DIAPH2: variants seen among roughly 807,000 people sequenced by gnomAD.
DIAPH2 encodes the protein diaphanous related formin 2, also known as protein diaphanous homolog 2.
A neutral mutation model predicts 92.7 loss-of-function variants in DIAPH2; 35 were observed. The observed-to-expected ratio is 0.38, with a 90% CI of 0.29 to 0.50. The LOEUF (loss-of-function observed/expected upper bound fraction) is 0.50. Ranked by LOEUF, DIAPH2 falls within the 20% of genes least tolerant of loss-of-function variation. The pLI, the probability that DIAPH2 is intolerant of heterozygous loss-of-function variation, is 0.94. For synonymous variants in DIAPH2, 301 were observed against 280.4 expected (o/e 1.07, Z -0.73); for missense variants, 701 against 819.5 (o/e 0.86, Z 1.77).
At chrX:97,233,138 T>C (rs1250528441) in intron 22 of DIAPH2, among the ~76,000 whole-genome samples, 1 of 112,331 alleles carries the variant, frequency 8.9e-6, no homozygotes, top group Admixed American at 9.5e-5. Flanking sequence ...TTGTTTGCTA[T>C]TGCAGTGCTA....
chrX:96,955,406 T>C (rs759051320), intron 15 of DIAPH2, among the ~76,000 whole-genome samples: 2 of 111,852 alleles, frequency 1.8e-5, no homozygotes, highest in East Asian at 5.6e-4. Context: ...GATGCAGAGC[T>C]AAACCATATC....
intron 22 of DIAPH2, among the ~76,000 whole-genome samples, chrX:97,192,530 A>C (rs939890398): frequency 9.0e-6 from 1 of 111,171 alleles, no homozygotes; most frequent in African/African-American, 3.3e-5. Context: ...TCTGTGAACC[A>C]GTGTTAACCT....
chrX:97,275,276 C>T (rs1436717118), intron 23 of DIAPH2, among the ~76,000 whole-genome samples: 3 of 100,191 alleles, frequency 3.0e-5, no homozygotes, highest in African/African-American at 1.1e-4. Flanking sequence ...AGGGGCTGCC[C>T]CCCCAACCTC....
intron 25 of DIAPH2, among the ~76,000 whole-genome samples, chrX:97,413,725 C>T (rs961429146): frequency 1.8e-5 from 2 of 111,684 alleles, no homozygotes; most frequent in Non-Finnish European, 3.8e-5. Context: ...AATCAATGTG[C>T]AAAAATCACA....
chrX:97,372,949 C>A (rs896372774), intron 24 of DIAPH2, among the ~76,000 whole-genome samples: 3 of 110,211 alleles, frequency 2.7e-5, no homozygotes, highest in Non-Finnish European at 5.7e-5. Flanking sequence ...TGCACTCCAG[C>A]CTGGGCAACA....
chrX:96,980,294 A>T (rs2065987186), intron 17 of DIAPH2, among the ~76,000 whole-genome samples: 1 of 111,003 alleles, frequency 9.0e-6, no homozygotes, highest in Non-Finnish European at 1.9e-5. Context: ...TGGGAAAGGG[A>T]TGGAGCAGGA....
chrX:97,570,101 TA>T (rs1569426144), intron 26 of DIAPH2, among the ~76,000 whole-genome samples: 7 of 31,261 alleles, frequency 2.2e-4, no homozygotes, highest in East Asian at 3.0e-3. Flanking sequence ...TATATATATA[TA>T]TATATATATA....
At chrX:96,962,274 C>CATATATATATACAT in intron 16 of DIAPH2, among the ~76,000 whole-genome samples, 1 of 72,026 alleles carries the variant, frequency 1.4e-5, no homozygotes, top group South Asian at 6.6e-4. Flanking sequence ...TATATATATA[C>CATATATATATACAT]ATATATATAT....
intron 24 of DIAPH2, among the ~76,000 whole-genome samples, chrX:97,369,818 C>T (rs1305704162): frequency 9.0e-6 from 1 of 111,400 alleles, no homozygotes; most frequent in Non-Finnish European, 1.9e-5. Context: ...TCTTAATCTA[C>T]TTCTTTGAAA....
chrX:96,970,783 C>T (rs984060008), intron 17 of DIAPH2, among the ~76,000 whole-genome samples: 2 of 111,031 alleles, frequency 1.8e-5, no homozygotes, highest in African/African-American at 6.5e-5. Flanking sequence ...CTAGCTTTTG[C>T]ATTGATTTGC....
chrX:96,897,268 C>T (rs1255883301), intron 5 of DIAPH2, among the ~76,000 whole-genome samples: 6 of 111,357 alleles, frequency 5.4e-5, no homozygotes, highest in African/African-American at 2.0e-4. Flanking sequence ...TTAGTGCAGA[C>T]ATCACCCAAG....
At chrX:96,937,565 A>C (rs1346526893) in intron 11 of DIAPH2, among the ~76,000 whole-genome samples, 2 of 111,846 alleles carry the variant, frequency 1.8e-5, no homozygotes, top group African/African-American at 6.5e-5. Flanking sequence ...TGAAATCTGC[A>C]CAATGGCTCA....
chrX:97,035,019 A>C (rs2066400869), intron 17 of DIAPH2, among the ~76,000 whole-genome samples: 2 of 112,212 alleles, frequency 1.8e-5, no homozygotes, highest in South Asian at 7.4e-4. Flanking sequence ...CATTATTTCT[A>C]CAACACTACC....
intron 22 of DIAPH2, among the ~76,000 whole-genome samples, chrX:97,209,372 A>C (rs1440211401): frequency 9.0e-6 from 1 of 111,525 alleles, no homozygotes; most frequent in Non-Finnish European, 1.9e-5. Context: ...TCATAAAAAC[A>C]AGCAAATGCC....
intron 17 of DIAPH2, among the ~76,000 whole-genome samples, chrX:97,060,853 A>AT (rs981055862): frequency 1.2e-3 from 135 of 109,752 alleles, no homozygotes; most frequent in Middle Eastern, 9.6e-3. Context: ...TTATCCAACA[A>AT]TTTTTTTTTT....
rs571371677 is a variant in DIAPH2 at position 97,303,195 on chromosome X, T to C, written c.2845-44921T>C. Among the ~76,000 whole-genome samples the C allele has an allele frequency of 6.2e-5, 7 of 112,309 alleles. No individual in the cohort carries two copies. In the South Asian group the frequency reaches 2.2e-3, roughly 36 times the overall value. Reference sequence around the variant, plus strand: ...ATAAAAGGTCTATTCCCTTATTGGTTTGAATTTGGGTTACTTGGTGTCTTT... The same window carrying C: ...ATAAAAGGTCTATTCCCTTATTGGTCTGAATTTGGGTTACTTGGTGTCTTT... On this transcript the variant is annotated intron_variant, in intron 23 of 26. Coordinates refer to ENST00000324765, the MANE Select transcript of DIAPH2 (RefSeq NM_006729.5).
chrX:97,062,316 T>A (rs972104083), intron 17 of DIAPH2, among the ~76,000 whole-genome samples: 1 of 111,940 alleles, frequency 8.9e-6, no homozygotes, highest in African/African-American at 3.2e-5. Context: ...ATTTGGGAAG[T>A]ATTTATTGAG....
intron 4 of DIAPH2, among the ~76,000 whole-genome samples, chrX:96,873,681 T>C (rs759455555): frequency 2.0e-3 from 208 of 103,981 alleles, no homozygotes; most frequent in Non-Finnish European, 3.5e-3. Flanking sequence ...CACACACACA[T>C]ATAAAAATAT....
intron 26 of DIAPH2, among the ~76,000 whole-genome samples, chrX:97,506,544 C>T (rs1165304763): frequency 1.0e-5 from 1 of 96,407 alleles, no homozygotes; most frequent in African/African-American, 3.9e-5. Context: ...CTTATAGTTT[C>T]TGAAAGGTGT....
Sources: gnomAD v4.1 joint callset for allele counts (sites outside exome capture counted in the v4.1 genomes callset) on GRCh38, gnomAD v4.1.1 for gene constraint, MANE v1.5 for transcripts, NCBI Gene and HGNC (gene_info 2026-07-23, HGNC 2026-07-21) for gene names.